SARDH: variants seen among roughly 807,000 people sequenced by gnomAD.
SARDH encodes the protein sarcosine dehydrogenase, also known as sarcosine dehydrogenase, mitochondrial.
In SARDH, 95 loss-of-function variants were observed where a neutral mutation model predicts 109.1. The observed-to-expected ratio is 0.87, with a 90% confidence interval of 0.74 to 1.03. SARDH has a LOEUF of 1.03. SARDH is among the 50% of genes least tolerant of loss of function. SARDH has a pLI of 0.00. For synonymous variants in SARDH, 572 were observed against 534.8 expected (o/e 1.07, Z -0.96); for missense variants, 1,267 against 1,287.8 (o/e 0.98, Z 0.25).
At chr9:133,723,935 A>C (rs1832407230) in intron 6 of SARDH, among the ~76,000 whole-genome samples, 1 of 152,170 alleles carries the variant, frequency 6.6e-6, no homozygotes, top group African/African-American at 2.4e-5. Context: ...CCATGCACAA[A>C]ATTTAACTTG....
chr9:133,682,092 C>G (rs913356077), intron 17 of SARDH, among the ~76,000 whole-genome samples: 2 of 152,150 alleles, frequency 1.3e-5, no homozygotes, highest in African/African-American at 2.4e-5. Context: ...CCTGGTGGGC[C>G]CAGCTCTACC....
rs1452412722 is a variant in SARDH, at chr9:133,731,419, C to A, written c.576G>T (p.Pro192=). ...LSPAETKTLY[P]LMNVDDLYGT... ...CGTAGAGGTCGTCCACATTCATCAG[C>A]GGGTACAGAGTCTTGGTCTCTGCCG... Residue 192 remains proline (P), a synonymous_variant, in exon 4 of 21, where the codon CCG becomes CCT. Coordinates refer to ENST00000439388, the MANE Select transcript of SARDH (RefSeq NM_001134707.2). 1.1e-5 allele frequency: 17 copies of A among 1,614,074 alleles called. No individual in the cohort carries two copies. The highest frequency in any genetic ancestry group is 2.5e-6 in the Non-Finnish European group (3 of 1,180,036).
At chr9:133,664,057 G>A (rs755666213) in intron 20 of SARDH, 43 bp from the exon 21 acceptor site, 1 of 1,603,104 alleles carries the variant, frequency 6.2e-7, no homozygotes, top group Admixed American at 1.7e-5. Flanking sequence ...CTGTTGGTAG[G>A]TACAGGGCTC....
intron 16 of SARDH, among the ~76,000 whole-genome samples, chr9:133,688,485 C>T (rs1214874116): frequency 6.6e-6 from 1 of 152,170 alleles, no homozygotes; most frequent in Non-Finnish European, 1.5e-5. Flanking sequence ...CCTCGCCTGG[C>T]CTGAGGCTCC....
At chr9:133,685,413 T>C in intron 16 of SARDH, 127 bp from the exon 17 acceptor site, 1 of 652,958 alleles carries the variant, frequency 1.5e-6, no homozygotes, top group Non-Finnish European at 2.6e-6. Flanking sequence ...ACAATAAACA[T>C]GGATTAATAA....
chr9:133,730,222 G>T, intron 4 of SARDH, 35 bp from the exon 5 acceptor site: 1 of 1,610,542 alleles, frequency 6.2e-7, no homozygotes, highest in Non-Finnish European at 8.5e-7. Flanking sequence ...AAAATCCCAC[G>T]GGACTCCCCG....
At position 133,670,614 on chromosome 9, in the gene SARDH, C is replaced by A. The variant is rs751874666; in HGVS notation, c.2465G>T (p.Arg822Leu). The A allele has an allele frequency of 3.2e-6, 5 of 1,577,702 alleles. No homozygotes were observed. The highest frequency in any genetic ancestry group is 1.7e-4 in the Middle Eastern group (1 of 6,042). ...ALEQQRAAGL[R>L]RRLVCFTMED... ...CATGGTGAAGCACACCAGGCGCCGG[C>A]GGAGGCCTGCGGCCCGCTGCTGCTC... Residue 822 changes from arginine to leucine, a missense_variant, in exon 19 of 21, where the codon CGC (arginine) becomes CTC (leucine). By Grantham distance (102) the Arg-to-Leu change is moderately radical (BLOSUM62 -2). Transcript: ENST00000439388.
intron 3 of SARDH, among the ~76,000 whole-genome samples, chr9:133,731,751 A>G (rs1200696627): frequency 6.6e-6 from 1 of 152,226 alleles, no homozygotes; most frequent in Non-Finnish European, 1.5e-5. Flanking sequence ...AAGTCGCTTC[A>G]GGCTCACTCA....
At chr9:133,669,436 A>G (rs940870612) in intron 19 of SARDH, among the ~76,000 whole-genome samples, 1 of 148,272 alleles carries the variant, frequency 6.7e-6, no homozygotes, top group Non-Finnish European at 1.5e-5. Context: ...CTCCATGTCC[A>G]CAGAGCCCAA....
At chr9:133,700,877 C>A (rs189571865) in intron 13 of SARDH, among the ~76,000 whole-genome samples, 1 of 152,188 alleles carries the variant, frequency 6.6e-6, no homozygotes, top group East Asian at 1.9e-4. Flanking sequence ...ACATGCCCCC[C>A]ACTGCTGAGC....
At chr9:133,689,867 T>C (rs1427075213) in intron 16 of SARDH, among the ~76,000 whole-genome samples, 2 of 152,142 alleles carry the variant, frequency 1.3e-5, no homozygotes, top group East Asian at 3.9e-4. Flanking sequence ...CCGAGGGTCT[T>C]CCCCGGTCCT....
Position 133,690,534 on chromosome 9 carries a change from G to A in SARDH, c.1922-7C>T. On this transcript the variant is annotated splice_polypyrimidine_tract_variant and splice_region_variant and intron_variant, in intron 15 of 20. Transcript: ENST00000439388. Reference sequence around the variant, plus strand: ...GCCAGGTAGTAACCGTCCCCTGGAAGAGAGGCACCTGGACTTAGAGCAGGA... The same window carrying A: ...GCCAGGTAGTAACCGTCCCCTGGAAAAGAGGCACCTGGACTTAGAGCAGGA... 6.3e-7 allele frequency: 1 copy of A among 1,593,898 alleles called. No individual in the cohort carries two copies. The highest frequency in any genetic ancestry group is 1.1e-5 in the South Asian group (1 of 90,944).
intron 17 of SARDH, among the ~76,000 whole-genome samples, chr9:133,672,714 G>A (rs758729310): frequency 1.1e-4 from 17 of 152,256 alleles, no homozygotes; most frequent in Non-Finnish European, 2.1e-4. Flanking sequence ...CAGCTCGGCC[G>A]TGAGCACAAC....
At chr9:133,679,387 G>C (rs1830619330) in intron 17 of SARDH, among the ~76,000 whole-genome samples, 1 of 152,246 alleles carries the variant, frequency 6.6e-6, no homozygotes, top group African/African-American at 2.4e-5. Context: ...AATCCTAACA[G>C]CGCCGCGACT....
chr9:133,696,005 A>G (rs1831273035), intron 14 of SARDH, among the ~76,000 whole-genome samples: 1 of 151,804 alleles, frequency 6.6e-6, no homozygotes, highest in Admixed American at 6.6e-5. Flanking sequence ...AGGGAGGAGA[A>G]GGAAGGCAGG....
intron 1 of SARDH, among the ~76,000 whole-genome samples, chr9:133,735,426 G>T (rs1378720540): frequency 6.6e-6 from 1 of 152,186 alleles, no homozygotes; most frequent in African/African-American, 2.4e-5. Flanking sequence ...ATAACAATGA[G>T]AATGCAAGAG....
chr9:133,731,294 G>T lies in SARDH; in HGVS notation c.690+11C>A. 1 of 1,613,466 alleles carries T rather than the reference G, an allele frequency of 6.2e-7. No homozygotes were observed. The highest frequency in any genetic ancestry group is 8.5e-7 in the Non-Finnish European group (1 of 1,179,662). The stretch of plus-strand genomic sequence containing the variant: ...GGAACAGGGGACCCAGAGCCAGGCG[G>T]CCATCAGTACCTGTGCTCCTCGGGC... On this transcript the variant is annotated intron_variant, in intron 4 of 20. Coordinates refer to ENST00000439388, the MANE Select transcript of SARDH (RefSeq NM_001134707.2).
chr9:133,724,452 C>T (rs182832205), intron 6 of SARDH, among the ~76,000 whole-genome samples: 252 of 152,194 alleles, frequency 1.7e-3, no homozygotes, highest in Non-Finnish European at 2.9e-3. Context: ...ATCAAACCCA[C>T]GGTGAGACAC....
chr9:133,688,271 C>T (rs1830958049), intron 16 of SARDH, among the ~76,000 whole-genome samples: 1 of 152,210 alleles, frequency 6.6e-6, no homozygotes, highest in Admixed American at 6.5e-5. Context: ...AGTCCCTTTC[C>T]CGGCAGCTGC....
Sources: allele counts gnomAD v4.1 joint callset (sites outside exome capture counted in the v4.1 genomes callset), GRCh38; gene constraint gnomAD v4.1.1; transcripts MANE v1.5; gene names NCBI Gene and HGNC (gene_info 2026-07-23, HGNC 2026-07-21).